USP10: variants seen among roughly 807,000 people sequenced by gnomAD.
The protein encoded by USP10 is ubiquitin carboxyl-terminal hydrolase 10.
USP10 carries 22 observed loss-of-function variants against 84.5 expected under a neutral mutation model. That is an observed-to-expected ratio of 0.26 (90% confidence interval 0.19 to 0.37). The LOEUF is 0.37. USP10 is among the 10% of genes least tolerant of loss of function. The probability of loss-of-function intolerance (pLI) is 1.00; values close to 1 mark genes in which losing one functional copy is unlikely to be tolerated. For synonymous variants in USP10, 454 were observed against 387.6 expected, an observed-to-expected ratio of 1.17 and a Z score of -2.01; for missense variants, 1,019 against 998.9, an observed-to-expected ratio of 1.02 and a Z score of -0.27.
At chr16:84,722,018 A>G (rs901322441) in intron 1 of USP10, among the ~76,000 whole-genome samples, 3 of 152,212 alleles carry the variant, frequency 2.0e-5, no homozygotes, top group Non-Finnish European at 2.9e-5. Context: ...TGACAGATGT[A>G]TACACCAAAG....
chr16:84,745,545 C>G lies in USP10; in HGVS notation c.1064C>G (p.Ser355Trp). ...CATGATTCTAAGCCCTCTTCCTCCT[C>G]GCCGGTGGCCTATGTGGAAACTAAG... Reference protein sequence around the residue: ...LFHDSKPSSSSPVAYVETKYS... With the variant: ...LFHDSKPSSSWPVAYVETKYS... Residue 355 changes from serine (S) to tryptophan (W), a missense_variant, in exon 4 of 14, where the codon TCG becomes TGG. By Grantham distance (177) the Ser-to-Trp change is radical (BLOSUM62 -3). Transcript: ENST00000219473. 1 of 1,612,484 alleles carries G rather than the reference C, an allele frequency of 6.2e-7. No homozygotes were observed. The highest frequency in any genetic ancestry group is 8.5e-7 in the Non-Finnish European group (1 of 1,179,150).
chr16:84,742,020 C>G (rs527607947), intron 3 of USP10, among the ~76,000 whole-genome samples: 1 of 152,318 alleles, frequency 6.6e-6, no homozygotes, highest in East Asian at 1.9e-4. Flanking sequence ...GCAGAGGCAC[C>G]TCATCGTGGC....
chr16:84,706,042 A>T (rs1359816411), intron 1 of USP10, among the ~76,000 whole-genome samples: 1 of 152,046 alleles, frequency 6.6e-6, no homozygotes, highest in Non-Finnish European at 1.5e-5. Flanking sequence ...TTCTTTGAAA[A>T]AAACAATTTG....
chr16:84,702,538 A>T (rs1362004536), intron 1 of USP10, among the ~76,000 whole-genome samples: 28 of 152,176 alleles, frequency 1.8e-4, no homozygotes, highest in East Asian at 5.8e-4. Flanking sequence ...TCATTCATTC[A>T]GCAAATACTG....
chr16:84,759,762 G>A, intron 6 of USP10, 129 bp from the exon 7 acceptor site: 2 of 958,794 alleles, frequency 2.1e-6, no homozygotes, highest in South Asian at 1.5e-5. Context: ...TTCACTAGCT[G>A]TTACAGCATT....
intron 3 of USP10, among the ~76,000 whole-genome samples, chr16:84,743,734 C>G (rs182860514): frequency 6.6e-6 from 1 of 152,178 alleles, no homozygotes; most frequent in Admixed American, 6.5e-5. Context: ...AACCTGATTT[C>G]AGAGGTGTAA....
chr16:84,764,050 G>A (rs757659799), intron 9 of USP10, 36 bp from the exon 10 acceptor site: 4 of 1,559,674 alleles, frequency 2.6e-6, no homozygotes, highest in African/African-American at 2.8e-5. Flanking sequence ...TGTTCTTGTC[G>A]TAAATAGTAG....
At chr16:84,704,921 C>A (rs956820627) in intron 1 of USP10, 1 of 1,534,852 alleles carries the variant, frequency 6.5e-7, no homozygotes, top group South Asian at 1.2e-5. Context: ...CTCGACTTTC[C>A]CTTTTGGGCT....
At position 84,745,139 on chromosome 16, in the gene USP10, A is replaced by G. The variant is rs1008566691; in HGVS notation, c.658A>G (p.Ser220Gly). The change falls in exon 4 of 14, where the codon AGT becomes GGT. Residue 220 changes from serine to glycine, a missense_variant. Coordinates refer to ENST00000219473, the MANE Select transcript of USP10 (RefSeq NM_005153.3). ...CCCCCAGAACTCCACAGACTCTGTC[A>G]GTGACATTGTGCCTGACAGTCCTTT... Reference protein sequence around the residue: ...NSPQNSTDSVSDIVPDSPFPG... With the variant: ...NSPQNSTDSVGDIVPDSPFPG... 1.5e-5 allele frequency: 25 copies of G among 1,613,388 alleles called. No homozygotes were observed. In the Admixed American group the frequency reaches 1.7e-4, roughly 11 times the overall value.
Position 84,750,914 on chromosome 16 carries a change from C to T in USP10, c.1192+5241C>T, listed in dbSNP as rs370198338. ...GTCAAAACCTGTTTATATGATTTTT[C>T]ACAGTGGTTTTATACCTAAAAGGCA... On this transcript the variant is annotated intron_variant, in intron 4 of 13. Coordinates refer to ENST00000219473, the MANE Select transcript of USP10 (RefSeq NM_005153.3). Among the ~76,000 whole-genome samples the T allele has an allele frequency of 5.8e-4, 89 of 152,224 alleles. 1 individual carries two copies. Among genetic ancestry groups the T allele is most frequent in the African/African-American group, 2.0e-3 (84 of 41,532 alleles).
intron 1 of USP10, chr16:84,732,487 C>A (rs917386417): frequency 1.0e-5 from 4 of 386,986 alleles, no homozygotes; most frequent in African/African-American, 9.1e-5. Flanking sequence ...GGCTCTGTCG[C>A]CCCGGCTGGG....
At chr16:84,760,991 T>C (rs1174604836) in intron 8 of USP10, among the ~76,000 whole-genome samples, 1 of 151,966 alleles carries the variant, frequency 6.6e-6, no homozygotes, top group African/African-American at 2.4e-5. Context: ...TGAAGAAGAG[T>C]GAATGTCGAG....
intron 3 of USP10, among the ~76,000 whole-genome samples, chr16:84,744,070 GAATCTTTTT>G (rs1234748971): frequency 1.6e-4 from 24 of 151,702 alleles, no homozygotes; most frequent in Non-Finnish European, 2.5e-4. Flanking sequence ...TGTTGTTGTT[GAATCTTTTT>G]TTGACATCTT....
intron 13 of USP10, among the ~76,000 whole-genome samples, chr16:84,777,117 T>C (rs1915102688): frequency 6.6e-6 from 1 of 152,210 alleles, no homozygotes; most frequent in Admixed American, 6.5e-5. Context: ...AGAACTGCTG[T>C]GATTGTGGGG....
intron 4 of USP10, among the ~76,000 whole-genome samples, chr16:84,750,130 C>A (rs576539746): frequency 6.6e-6 from 1 of 152,132 alleles, no homozygotes; most frequent in East Asian, 1.9e-4. Context: ...TAATACAGCC[C>A]GGCACAGTGG....
At chr16:84,707,215 C>T (rs530642800) in intron 1 of USP10, among the ~76,000 whole-genome samples, 1 of 152,204 alleles carries the variant, frequency 6.6e-6, no homozygotes, top group Non-Finnish European at 1.5e-5. Flanking sequence ...TAATCTTTCA[C>T]ACTGTGACTT....
At chr16:84,730,063 T>C (rs1402767148) in intron 1 of USP10, among the ~76,000 whole-genome samples, 1 of 152,220 alleles carries the variant, frequency 6.6e-6, no homozygotes, top group Non-Finnish European at 1.5e-5. Flanking sequence ...ATAAAGTATG[T>C]AGTCCCCTCC....
At chr16:84,727,337 C>A (rs934020750) in intron 1 of USP10, among the ~76,000 whole-genome samples, 1 of 152,124 alleles carries the variant, frequency 6.6e-6, no homozygotes, top group Non-Finnish European at 1.5e-5. Flanking sequence ...ATTTTCCCCC[C>A]TCATGTGACA....
chr16:84,777,058 A>G (rs1003548259), intron 13 of USP10, among the ~76,000 whole-genome samples: 1 of 152,188 alleles, frequency 6.6e-6, no homozygotes, highest in African/African-American at 2.4e-5. Flanking sequence ...AAATGAGGTC[A>G]CCGGACTGGT....
Sources: allele counts gnomAD v4.1 joint callset (sites outside exome capture counted in the v4.1 genomes callset), GRCh38; gene constraint gnomAD v4.1.1; transcripts MANE v1.5; gene names NCBI Gene and HGNC (gene_info 2026-07-23, HGNC 2026-07-21).